THSD7B: variants seen among roughly 807,000 people sequenced by gnomAD.
THSD7B encodes thrombospondin type-1 domain-containing protein 7B.
In THSD7B, 138 loss-of-function variants were observed where a neutral mutation model predicts 213.6. The ratio of observed to expected loss-of-function variants is 0.65; its 90% CI spans 0.56 to 0.74. THSD7B has a LOEUF of 0.74. THSD7B is among the 30% of genes least tolerant of loss of function. The pLI, the probability that THSD7B is intolerant of heterozygous loss-of-function variation, is 0.00. For synonymous variants in THSD7B, 742 were observed against 687.0 expected (o/e 1.08, Z -1.25); for missense variants, 1,931 against 1,991.5 (o/e 0.97, Z 0.58).
At chr2:136,977,815 T>G (rs1160984681) in intron 2 of THSD7B, among the ~76,000 whole-genome samples, 16 of 149,810 alleles carry the variant, frequency 1.1e-4, no homozygotes, top group East Asian at 2.0e-4. Context: ...TTTTTTTTTT[T>G]TTTTTTTAAA....
chr2:137,146,638 C>T (rs1368397267), intron 5 of THSD7B, among the ~76,000 whole-genome samples: 1 of 152,050 alleles, frequency 6.6e-6, no homozygotes, highest in African/African-American at 2.4e-5. Flanking sequence ...GGTGATATCA[C>T]CTCCAAGGGG....
chr2:136,918,918 C>T (rs1054174259), intron 2 of THSD7B, among the ~76,000 whole-genome samples: 1 of 152,202 alleles, frequency 6.6e-6, no homozygotes, highest in African/African-American at 2.4e-5. Context: ...AGCTTCTCTA[C>T]ACTGGGAAGT....
intron 2 of THSD7B, among the ~76,000 whole-genome samples, chr2:136,884,094 T>C (rs1573687842): frequency 6.6e-6 from 1 of 151,908 alleles, no homozygotes; most frequent in East Asian, 1.9e-4. Flanking sequence ...TACATGTAAG[T>C]ACACATTTAT....
intron 16 of THSD7B, among the ~76,000 whole-genome samples, chr2:137,571,796 A>T (rs1681359827): frequency 1.3e-5 from 2 of 152,226 alleles, no homozygotes; most frequent in Admixed American, 6.5e-5. Context: ...TGCTGCATGA[A>T]AATACTTGCT....
chr2:136,947,914 C>T (rs2105068381), intron 2 of THSD7B, among the ~76,000 whole-genome samples: 1 of 152,286 alleles, frequency 6.6e-6, no homozygotes, highest in Non-Finnish European at 1.5e-5. Flanking sequence ...GAAGTGTCTG[C>T]TGGGCAACTG....
At chr2:136,971,342 T>G (rs530957464) in intron 2 of THSD7B, among the ~76,000 whole-genome samples, 2 of 152,256 alleles carry the variant, frequency 1.3e-5, no homozygotes, top group South Asian at 4.2e-4. Context: ...TAATCATTGA[T>G]AACACATACT....
chr2:137,476,313 G>A (rs1688190454), intron 15 of THSD7B, among the ~76,000 whole-genome samples: 1 of 152,016 alleles, frequency 6.6e-6, no homozygotes, highest in Non-Finnish European at 1.5e-5. Context: ...AAGCTTTTTA[G>A]TATAATAATA....
intron 2 of THSD7B, among the ~76,000 whole-genome samples, chr2:136,995,339 CAG>C (rs35061419): frequency 0.19 from 28,844 of 151,998 alleles, 3,451 homozygotes; most frequent in African/African-American, 0.34. Flanking sequence ...CCTAGGATCA[CAG>C]AGACTCATGG....
At chr2:137,251,908 T>C (rs1682186524) in intron 10 of THSD7B, among the ~76,000 whole-genome samples, 1 of 152,176 alleles carries the variant, frequency 6.6e-6, no homozygotes, top group African/African-American at 2.4e-5. Context: ...GACAAGCACC[T>C]ACTGTGTTGT....
intron 1 of THSD7B, among the ~76,000 whole-genome samples, chr2:136,768,047 T>A (rs1478906553): frequency 6.6e-6 from 1 of 152,194 alleles, no homozygotes; most frequent in Non-Finnish European, 1.5e-5. Flanking sequence ...GTTTGAAGAC[T>A]GACATTAACA....
chr2:137,396,075 T>C (rs1288771696), intron 12 of THSD7B, among the ~76,000 whole-genome samples: 1 of 151,440 alleles, frequency 6.6e-6, no homozygotes, highest in Non-Finnish European at 1.5e-5. Flanking sequence ...TTAGTCTTGC[T>C]AGCGGTCTAT....
chr2:136,938,484 A>G (rs186882176), intron 2 of THSD7B, among the ~76,000 whole-genome samples: 23 of 152,300 alleles, frequency 1.5e-4, no homozygotes, highest in Admixed American at 1.3e-4. Flanking sequence ...TTTCTCCCCA[A>G]ATATAACATT....
chr2:136,876,257 A>G (rs936704096), intron 1 of THSD7B, among the ~76,000 whole-genome samples: 5 of 152,218 alleles, frequency 3.3e-5, no homozygotes, highest in African/African-American at 1.2e-4. Context: ...CTATCATTAT[A>G]TATAGAAGAC....
At chr2:136,844,775 G>A (rs1682981668) in intron 1 of THSD7B, among the ~76,000 whole-genome samples, 2 of 152,166 alleles carry the variant, frequency 1.3e-5, no homozygotes, top group Non-Finnish European at 2.9e-5. Flanking sequence ...CTTGCCTGAG[G>A]TCATGCCCAG....
Position 137,242,622 on chromosome 2 carries a change from C to T in THSD7B, c.2266+50C>T, listed in dbSNP as rs759109461. On this transcript the variant is annotated intron_variant, in intron 10 of 27. Transcript: ENST00000409968. ...TCTTTCTTCCCTAACCTGATTGTTT[C>T]TCCACATCTAAGTAAGTGAGAGGTT... is the stretch of plus-strand genomic sequence containing the variant. 5 of 1,400,266 alleles carry T rather than the reference C, an allele frequency of 3.6e-6. No individual in the cohort carries two copies. In the Admixed American group the frequency reaches 5.2e-5, roughly 15 times the overall value. 86.7% of individuals were successfully genotyped at this position (1,400,266 alleles called of 1,614,324 possible). A position where few individuals can be genotyped will look rare whatever the true frequency, so the allele number is the denominator to read the frequency against.
intron 2 of THSD7B, among the ~76,000 whole-genome samples, chr2:137,052,778 A>C (rs758202072): frequency 9.8e-5 from 15 of 152,312 alleles, no homozygotes; most frequent in Non-Finnish European, 1.6e-4. Context: ...TATGTATTGA[A>C]AGTTCATAGC....
intron 2 of THSD7B, among the ~76,000 whole-genome samples, chr2:137,012,884 A>G (rs1686256860): frequency 6.6e-6 from 1 of 152,234 alleles, no homozygotes; most frequent in African/African-American, 2.4e-5. Flanking sequence ...TTTTCCAAAT[A>G]TGTCTCTGGA....
intron 3 of THSD7B, among the ~76,000 whole-genome samples, chr2:137,087,095 A>G (rs1043321587): frequency 1.3e-5 from 2 of 152,228 alleles, no homozygotes; most frequent in East Asian, 1.9e-4. Context: ...TGCATGGTCA[A>G]CATGGGTAGA....
chr2:137,439,809 A>G (rs1687365591), intron 14 of THSD7B, among the ~76,000 whole-genome samples: 1 of 152,296 alleles, frequency 6.6e-6, no homozygotes, highest in East Asian at 1.9e-4. Context: ...CATGTAATCC[A>G]TATTCTGATT....
Sources: gnomAD v4.1 joint callset for allele counts (sites outside exome capture counted in the v4.1 genomes callset) on GRCh38, gnomAD v4.1.1 for gene constraint, MANE v1.5 for transcripts, NCBI Gene and HGNC (gene_info 2026-07-23, HGNC 2026-07-21) for gene names.